The following SHC3 variants were observed in gnomAD, a reference collection of about 807,000 sequenced individuals.
SHC3 encodes the protein SHC-transforming protein 3.
A neutral mutation model predicts 60.4 loss-of-function variants in SHC3; 15 were observed. The ratio of observed to expected loss-of-function variants is 0.25; its 90% confidence interval spans 0.17 to 0.38. SHC3 has a LOEUF of 0.38. Ranked by LOEUF, SHC3 falls within the 10% of genes least tolerant of loss-of-function variation. The pLI is 1.00. For missense variants in SHC3, 677 were observed against 786.1 expected (o/e 0.86, Z 1.66); for synonymous variants, 294 against 325.9 (o/e 0.90, Z 1.05).
At chr9:89,068,985 T>C (rs1825227056) in intron 5 of SHC3, among the ~76,000 whole-genome samples, 1 of 152,080 alleles carries the variant, frequency 6.6e-6, no homozygotes, top group Non-Finnish European at 1.5e-5. Context: ...AGCAAATAGG[T>C]GGACATACAC....
chr9:89,158,039 G>A (rs371038000), intron 1 of SHC3, among the ~76,000 whole-genome samples: 2 of 150,800 alleles, frequency 1.3e-5, no homozygotes, highest in South Asian at 4.2e-4. Context: ...CTTTGTTATT[G>A]CCTTCCTTCT....
chr9:89,038,028 C>T lies in SHC3; in HGVS notation c.1621G>A (p.Ala541Thr). 6.2e-7 allele frequency: 1 copy of T among 1,612,498 alleles called. No individual in the cohort carries two copies. Among genetic ancestry groups the T allele is most frequent in the Non-Finnish European group, 8.5e-7 (1 of 1,180,038 alleles). The change falls in exon 11 of 12, where the codon GCC (alanine) becomes ACC (threonine). Residue 541 changes from alanine to threonine, a missense_variant. Physicochemically the swap from Ala to Thr is moderately conservative, Grantham distance 58 (BLOSUM62 0). Coordinates refer to ENST00000375835, the MANE Select transcript of SHC3 (RefSeq NM_016848.6). ...FVLTGMHNGQ[A>T]KHLLLVDPEG... The stretch of plus-strand genomic sequence containing the variant: ...GGGTCCACGAGCAGCAGGTGCTTGG[C>T]CTGGCCATTGTGCATGCCCGTGAGG...
At chr9:89,158,915 A>G (rs978354099) in intron 1 of SHC3, among the ~76,000 whole-genome samples, 1 of 152,232 alleles carries the variant, frequency 6.6e-6, no homozygotes, top group African/African-American at 2.4e-5. Flanking sequence ...ATCCTCAGTG[A>G]AAATTCCACC....
intron 1 of SHC3, among the ~76,000 whole-genome samples, chr9:89,116,474 C>T (rs1164333364): frequency 6.6e-6 from 1 of 152,172 alleles, no homozygotes; most frequent in African/African-American, 2.4e-5. Context: ...GCTAATGCCA[C>T]AGAGTTGTGT....
chr9:89,042,326 G>A, intron 9 of SHC3, 142 bp from the exon 10 acceptor site: 5 of 890,284 alleles, frequency 5.6e-6, no homozygotes, highest in Non-Finnish European at 8.0e-6. Context: ...CCTCTTCTGA[G>A]CTTGTCACCA....
At chr9:89,126,684 C>T (rs966812783) in intron 1 of SHC3, among the ~76,000 whole-genome samples, 2 of 152,122 alleles carry the variant, frequency 1.3e-5, no homozygotes, top group Non-Finnish European at 2.9e-5. Context: ...TTCTCCCTTC[C>T]CTTTTTTTCT....
At chr9:89,169,959 C>T (rs571916086) in intron 1 of SHC3, among the ~76,000 whole-genome samples, 12 of 152,128 alleles carry the variant, frequency 7.9e-5, no homozygotes, top group Admixed American at 1.3e-4. Context: ...CAGTGTGAGG[C>T]GGGTTAGGCT....
intron 1 of SHC3, among the ~76,000 whole-genome samples, chr9:89,134,797 T>A (rs1243346040): frequency 6.6e-6 from 1 of 152,090 alleles, no homozygotes; most frequent in African/African-American, 2.4e-5. Context: ...AGGGCTCTCA[T>A]GGAGAGCTGA....
chr9:89,088,096 G>T (rs1825561884), intron 2 of SHC3, among the ~76,000 whole-genome samples: 1 of 152,076 alleles, frequency 6.6e-6, no homozygotes, highest in South Asian at 2.1e-4. Context: ...CACCTTTTAG[G>T]GTTGGTTAAG....
intron 8 of SHC3, among the ~76,000 whole-genome samples, chr9:89,046,054 C>T (rs575215058): frequency 2.4e-5 from 3 of 127,446 alleles, no homozygotes; most frequent in East Asian, 5.6e-4. Flanking sequence ...CTACACATGC[C>T]CCCCCGCTTG....
chr9:89,071,630 T>G (rs1280941705), intron 4 of SHC3, among the ~76,000 whole-genome samples: 1 of 152,136 alleles, frequency 6.6e-6, no homozygotes, highest in Non-Finnish European at 1.5e-5. Context: ...CATAAGTGAC[T>G]CCATCTTAGA....
intron 2 of SHC3, among the ~76,000 whole-genome samples, chr9:89,081,059 C>T (rs895850325): frequency 1.3e-5 from 2 of 152,090 alleles, no homozygotes; most frequent in African/African-American, 4.8e-5. Context: ...AGCCACCACG[C>T]CTGGCCGGGA....
intron 3 of SHC3, 130 bp downstream of exon 3, chr9:89,077,710 C>T (rs1179590870): frequency 1.8e-6 from 2 of 1,103,020 alleles, no homozygotes; most frequent in Non-Finnish European, 2.7e-6. Flanking sequence ...GCCCTTTCTG[C>T]TTTTAGAAGT....
chr9:89,136,551 A>G (rs1481178566), intron 1 of SHC3, among the ~76,000 whole-genome samples: 1 of 151,640 alleles, frequency 6.6e-6, no homozygotes, highest in Non-Finnish European at 1.5e-5. Context: ...AAAGGGAAGG[A>G]ATGCTCAGTT....
At chr9:89,057,703 A>C (rs941975329) in intron 6 of SHC3, among the ~76,000 whole-genome samples, 1 of 152,170 alleles carries the variant, frequency 6.6e-6, no homozygotes, top group African/African-American at 2.4e-5. Flanking sequence ...ACTGTGCACA[A>C]GGCCCTGCCC....
chr9:89,030,120 G>A (rs1402546140), intron 11 of SHC3, among the ~76,000 whole-genome samples: 1 of 152,034 alleles, frequency 6.6e-6, no homozygotes, highest in African/African-American at 2.4e-5. Flanking sequence ...AGCAAAAAAT[G>A]TTACTAGAGA....
intron 1 of SHC3, among the ~76,000 whole-genome samples, chr9:89,149,878 C>T (rs1356278834): frequency 6.6e-6 from 1 of 152,120 alleles, no homozygotes; most frequent in Non-Finnish European, 1.5e-5. Context: ...CATGATGAAG[C>T]CCCAGTTGCT....
At chr9:89,016,670 T>C (rs1053225207) in intron 11 of SHC3, among the ~76,000 whole-genome samples, 10 of 152,218 alleles carry the variant, frequency 6.6e-5, no homozygotes, top group African/African-American at 1.7e-4. Context: ...CCTCATTCTA[T>C]GAAGCCAGCA....
At chr9:89,026,930 ACTTC>A (rs887995949) in intron 11 of SHC3, among the ~76,000 whole-genome samples, 1 of 152,126 alleles carries the variant, frequency 6.6e-6, no homozygotes, top group African/African-American at 2.4e-5. Flanking sequence ...TCTGGATCTC[ACTTC>A]CTTTTCTAGT....
Sources: allele counts gnomAD v4.1 joint callset (sites outside exome capture counted in the v4.1 genomes callset), GRCh38; gene constraint gnomAD v4.1.1; transcripts MANE v1.5; gene names NCBI Gene and HGNC (gene_info 2026-07-23, HGNC 2026-07-21).